TTLL5: variants seen among roughly 807,000 people sequenced by gnomAD.
TTLL5 encodes the protein tubulin polyglutamylase TTLL5.
TTLL5 carries 132 observed loss-of-function variants against 168.4 expected under a neutral mutation model. That is an observed-to-expected ratio of 0.78 (90% CI 0.68 to 0.91). The LOEUF (loss-of-function observed/expected upper bound fraction) is 0.91, where lower values mean the gene tolerates loss of function less well. Ranked by LOEUF, TTLL5 falls within the 40% of genes least tolerant of loss-of-function variation. The pLI, the probability that TTLL5 is intolerant of heterozygous loss-of-function variation, is 0.00. For synonymous variants in TTLL5, 546 were observed against 558.6 expected, an observed-to-expected ratio of 0.98 and a Z score of 0.32; for missense variants, 1,545 against 1,581.5, an observed-to-expected ratio of 0.98 and a Z score of 0.39.
At chr14:75,946,714 C>T (rs1188053158) in intron 31 of TTLL5, among the ~76,000 whole-genome samples, 2 of 151,610 alleles carry the variant, frequency 1.3e-5, no homozygotes, top group African/African-American at 2.4e-5. Context: ...TAACACAAAC[C>T]GTACATGAGA....
intron 26 of TTLL5, among the ~76,000 whole-genome samples, chr14:75,792,442 T>C (rs769989037): frequency 3.3e-5 from 5 of 152,096 alleles, no homozygotes; most frequent in Non-Finnish European, 7.4e-5. Flanking sequence ...ATTATTGTTA[T>C]TTTTCTGAGT....
intron 7 of TTLL5, among the ~76,000 whole-genome samples, chr14:75,701,366 C>G (rs1248817009): frequency 1.3e-5 from 2 of 152,110 alleles, no homozygotes; most frequent in African/African-American, 4.8e-5. Flanking sequence ...TATTTATGAA[C>G]AAAAGACTAG....
At chr14:75,715,994 CCTT>C (rs1887430503) in intron 9 of TTLL5, among the ~76,000 whole-genome samples, 1 of 152,146 alleles carries the variant, frequency 6.6e-6, no homozygotes, top group Admixed American at 6.5e-5. Flanking sequence ...GCTTTCCCCT[CCTT>C]CTAATTCATT....
At chr14:75,932,098 G>T (rs1482824951) in intron 31 of TTLL5, among the ~76,000 whole-genome samples, 1 of 152,194 alleles carries the variant, frequency 6.6e-6, no homozygotes, top group African/African-American at 2.4e-5. Flanking sequence ...ACAGTGGTAA[G>T]ATCAGCTATG....
chr14:75,716,945 A>G (rs1887509773), intron 9 of TTLL5, among the ~76,000 whole-genome samples: 3 of 152,112 alleles, frequency 2.0e-5, no homozygotes, highest in Non-Finnish European at 4.4e-5. Context: ...CACTGTGCCC[A>G]TATTTATGCC....
intron 29 of TTLL5, among the ~76,000 whole-genome samples, chr14:75,864,438 G>A (rs1226960932): frequency 1.3e-5 from 2 of 152,140 alleles, no homozygotes; most frequent in African/African-American, 4.8e-5. Flanking sequence ...TTTAAACAGT[G>A]GGGCTATAAG....
rs143818900 is a variant in TTLL5 at position 75,873,795 on chromosome 14, CTT to C, written c.3523-8889_3523-8888del. On this transcript the variant is annotated intron_variant, in intron 29 of 31. Coordinates refer to ENST00000298832, the MANE Select transcript of TTLL5 (RefSeq NM_015072.5). ...AATGAACACGGATGTACAAATATCT[CTT>C]ATGTATAATTTTTAACCGTAAATAT... Among the ~76,000 whole-genome samples, 1,071 of 152,196 alleles carry C rather than the reference CTT, an allele frequency of 7.0e-3. 15 individuals carry two copies. Among genetic ancestry groups the C allele is most frequent in the African/African-American group, 0.025 (1,032 of 41,532 alleles).
At chr14:75,750,917 TATGAGATGGTACAGTGAG>T (rs1177609682) in intron 17 of TTLL5, among the ~76,000 whole-genome samples, 7 of 152,204 alleles carry the variant, frequency 4.6e-5, no homozygotes, top group African/African-American at 1.7e-4. Flanking sequence ...TTTGTGATGA[TATGAGATGGTACAGTGAG>T]ATGAGATGAA....
chr14:75,808,823 A>G (rs953669185), intron 27 of TTLL5, among the ~76,000 whole-genome samples: 6 of 151,986 alleles, frequency 3.9e-5, no homozygotes. Context: ...GTGAGGTCTC[A>G]CTGTGTTGCC....
chr14:75,925,131 C>T (rs1319457631), intron 31 of TTLL5, among the ~76,000 whole-genome samples: 40 of 145,344 alleles, frequency 2.8e-4, no homozygotes, highest in East Asian at 6.3e-4. Context: ...GCTGGCCGGG[C>T]GGGTGGCTGA....
At chr14:75,854,154 C>A (rs1318645284) in intron 28 of TTLL5, among the ~76,000 whole-genome samples, 2 of 152,144 alleles carry the variant, frequency 1.3e-5, no homozygotes, top group Admixed American at 1.3e-4. Flanking sequence ...CAGAACATTT[C>A]CATCACACTT....
chr14:75,746,047 G>A (rs1889588049), intron 17 of TTLL5, among the ~76,000 whole-genome samples: 2 of 152,154 alleles, frequency 1.3e-5, no homozygotes, highest in South Asian at 2.1e-4. Flanking sequence ...CATCACCCTC[G>A]TAGCCCTCTT....
At chr14:75,735,162 G>C in intron 14 of TTLL5, 33 bp from the exon 15 acceptor site, 1 of 1,598,420 alleles carries the variant, frequency 6.3e-7, no homozygotes, top group South Asian at 1.1e-5. Flanking sequence ...CTTAGAAAAT[G>C]GCAGGTTTTA....
rs185551466 is a variant in TTLL5, at chr14:75,877,098, C to T, written c.3523-5587C>T. Among the ~76,000 whole-genome samples, 213 of 152,248 alleles carry T rather than the reference C, an allele frequency of 1.4e-3. 1 individual carries two copies. The highest frequency in any genetic ancestry group is 4.9e-3 in the African/African-American group (203 of 41,564). On this transcript the variant is annotated intron_variant, in intron 29 of 31. Transcript: ENST00000298832. Reference sequence around the variant, plus strand: ...TGTTTGCTTGTCTTAAATTAGAGTACAAGGGTCACAAAGAGACATTAACCT... The same window carrying T: ...TGTTTGCTTGTCTTAAATTAGAGTATAAGGGTCACAAAGAGACATTAACCT...
chr14:75,688,068 T>G (rs1885199289), intron 5 of TTLL5, among the ~76,000 whole-genome samples: 1 of 152,180 alleles, frequency 6.6e-6, no homozygotes, highest in Admixed American at 6.5e-5. Flanking sequence ...ATATAACTCC[T>G]TGGCTCCTTG....
chr14:75,945,483 T>C (rs929337684), intron 31 of TTLL5, among the ~76,000 whole-genome samples: 8 of 151,812 alleles, frequency 5.3e-5, no homozygotes, highest in African/African-American at 1.9e-4. Context: ...TCTCGATCTC[T>C]TGACCTCATG....
At chr14:75,744,274 T>A (rs1889460551) in intron 15 of TTLL5, 1 of 152,230 alleles carries the variant, frequency 6.6e-6, no homozygotes, top group Admixed American at 6.5e-5. Flanking sequence ...CTTCATCTAT[T>A]TCAATAATAG....
chr14:75,747,078 A>T (rs1470291997), intron 17 of TTLL5, among the ~76,000 whole-genome samples: 1 of 150,834 alleles, frequency 6.6e-6, no homozygotes, highest in Non-Finnish European at 1.5e-5. Flanking sequence ...CTTAGTTTAT[A>T]TTTTACCACA....
chr14:75,663,392 T>C (rs1248000998), intron 2 of TTLL5, among the ~76,000 whole-genome samples, 169 bp downstream of exon 2: 1 of 152,200 alleles, frequency 6.6e-6, no homozygotes, highest in Non-Finnish European at 1.5e-5. Flanking sequence ...CATAATGTCA[T>C]TTAAGGTCTT....
Sources: allele counts gnomAD v4.1 joint callset (sites outside exome capture counted in the v4.1 genomes callset), GRCh38; gene constraint gnomAD v4.1.1; transcripts MANE v1.5; gene names NCBI Gene and HGNC (gene_info 2026-07-23, HGNC 2026-07-21).